The following ACER3 variants were observed in gnomAD, a reference collection of about 807,000 sequenced individuals.
The protein encoded by ACER3 is alkaline ceramidase 3.
Under a neutral mutation model 48.9 loss-of-function variants are expected in ACER3, and 16 were observed. That is an observed-to-expected ratio of 0.33 (90% CI 0.22 to 0.50). The LOEUF (loss-of-function observed/expected upper bound fraction) is 0.50, where lower values mean the gene tolerates loss of function less well. Among genes scored for constraint, ACER3 ranks in the 20% least tolerant of loss-of-function variants. The pLI, the probability that ACER3 is intolerant of heterozygous loss-of-function variation, is 0.98. For missense variants in ACER3, 227 were observed against 326.0 expected (o/e 0.70, Z 2.34); for synonymous variants, 109 against 107.8 (o/e 1.01, Z -0.07).
intron 1 of ACER3, chr11:76,868,046 A>G: frequency 1.1e-5 from 13 of 1,205,710 alleles, no homozygotes; most frequent in Non-Finnish European, 1.3e-5. Context: ...TATCTCTGCC[A>G]TACAGGTATG....
chr11:76,944,499 CT>C (rs34185686), intron 2 of ACER3, among the ~76,000 whole-genome samples: 2 of 151,830 alleles, frequency 1.3e-5, no homozygotes, highest in Non-Finnish European at 2.9e-5. Context: ...TTGGCTGATT[CT>C]TTTTTCTTTC....
chr11:76,973,959 A>G (rs1176457449), intron 3 of ACER3, among the ~76,000 whole-genome samples: 2 of 152,226 alleles, frequency 1.3e-5, no homozygotes, highest in East Asian at 3.8e-4. Context: ...TAATTGTCCC[A>G]AAACCATTTG....
chr11:77,014,763 C>T (rs1555022919), intron 7 of ACER3, among the ~76,000 whole-genome samples: 1 of 152,174 alleles, frequency 6.6e-6, no homozygotes, highest in East Asian at 1.9e-4. Flanking sequence ...GTGATGTCTT[C>T]TAGCCAGGCA....
rs544227481 is a variant in ACER3, at chr11:76,868,023, G to A, written c.103+6944G>A. 1.6e-4 allele frequency: 163 copies of A among 1,009,282 alleles called. 2 individuals carry two copies. In the South Asian group the frequency reaches 2.4e-3, roughly 15 times the overall value. The allele number at this position is 1,009,282 out of a possible 1,614,324, so 62.5% of individuals were successfully genotyped here. A position where few individuals can be genotyped will look rare whatever the true frequency, so the allele number is the denominator to read the frequency against. On this transcript the variant is annotated intron_variant, in intron 1 of 10. Coordinates refer to ENST00000532485, the MANE Select transcript of ACER3 (RefSeq NM_018367.7). ...TGCTGCTGCAGCACAAGACAAAAGG[G>A]GCTTTAATCAGCTATCTCTGCCATA...
chr11:76,913,316 CAG>C, intron 1 of ACER3, among the ~76,000 whole-genome samples: 1 of 152,228 alleles, frequency 6.6e-6, no homozygotes, highest in East Asian at 1.9e-4. Context: ...CATCTGCAAA[CAG>C]GGACAATTTG....
intron 7 of ACER3, among the ~76,000 whole-genome samples, chr11:77,008,989 C>T (rs1343197169): frequency 7.9e-5 from 12 of 152,108 alleles, no homozygotes; most frequent in Admixed American, 3.3e-4. Context: ...GATCCCAGGA[C>T]ACTGAGGCTG....
chr11:76,930,147 G>C (rs1334402146), intron 2 of ACER3, among the ~76,000 whole-genome samples: 1 of 152,196 alleles, frequency 6.6e-6, no homozygotes, highest in Non-Finnish European at 1.5e-5. Flanking sequence ...TTCAGAGCCT[G>C]TCATTGGTGT....
intron 1 of ACER3, among the ~76,000 whole-genome samples, chr11:76,876,206 A>G (rs1238651710): frequency 2.6e-5 from 4 of 152,076 alleles, no homozygotes; most frequent in Non-Finnish European, 5.9e-5. Flanking sequence ...AAGTTCCCTC[A>G]TGCCCCTTCT....
intron 1 of ACER3, among the ~76,000 whole-genome samples, chr11:76,879,040 G>A (rs950496343): frequency 2.6e-5 from 4 of 151,964 alleles, no homozygotes; most frequent in African/African-American, 4.8e-5. Flanking sequence ...AGTAATAGGG[G>A]CTCCTTTCAT....
At chr11:76,973,112 A>G (rs2135135796) in intron 3 of ACER3, among the ~76,000 whole-genome samples, 1 of 152,334 alleles carries the variant, frequency 6.6e-6, no homozygotes, top group South Asian at 2.1e-4. Flanking sequence ...GGAGCAGAGC[A>G]GCTGCCCAGG....
In ACER3 at chr11:76,936,431, T is replaced by C. The variant is rs573415992; in HGVS notation, c.214+9764T>C. On this transcript the variant is annotated intron_variant, in intron 2 of 10. Transcript: ENST00000532485. Reference sequence around the variant, plus strand: ...AGGCTAAAAGTAAAAATAAAAATCTTCCAACTACTAGGAGAAAACGTGTGT... The same window carrying C: ...AGGCTAAAAGTAAAAATAAAAATCTCCCAACTACTAGGAGAAAACGTGTGT... 2.0e-5 allele frequency among the ~76,000 whole-genome samples: 3 copies of C among 152,244 alleles called. No homozygotes were observed. In the East Asian group the frequency reaches 5.8e-4, roughly 29 times the overall value.
At chr11:76,907,989 A>G (rs1189756655) in intron 1 of ACER3, among the ~76,000 whole-genome samples, 1 of 152,152 alleles carries the variant, frequency 6.6e-6, no homozygotes, top group Non-Finnish European at 1.5e-5. Context: ...TAATCCCAGC[A>G]CCCTGGGAGG....
chr11:76,959,988 T>C (rs957568899), intron 3 of ACER3, among the ~76,000 whole-genome samples: 1 of 152,204 alleles, frequency 6.6e-6, no homozygotes, highest in Non-Finnish European at 1.5e-5. Flanking sequence ...TTTGATCTCT[T>C]GATTTCCCAT....
intron 7 of ACER3, among the ~76,000 whole-genome samples, chr11:77,013,825 G>A (rs929419905): frequency 1.3e-5 from 2 of 152,128 alleles, no homozygotes; most frequent in Admixed American, 6.5e-5. Flanking sequence ...CTGGAAACCC[G>A]CATTTGGACA....
At chr11:77,000,487 A>C (rs535701370) in intron 7 of ACER3, among the ~76,000 whole-genome samples, 2 of 152,288 alleles carry the variant, frequency 1.3e-5, no homozygotes, top group South Asian at 4.1e-4. Context: ...CTCTATACCT[A>C]CCTATAGATC....
At chr11:76,867,083 A>C (rs575452135) in intron 1 of ACER3, among the ~76,000 whole-genome samples, 74 of 152,314 alleles carry the variant, frequency 4.9e-4, no homozygotes, top group Non-Finnish European at 9.4e-4. Context: ...AGTCATTCAA[A>C]ATGTTTTATT....
intron 7 of ACER3, chr11:77,011,492 T>A (rs782265990): frequency 5.6e-5 from 31 of 555,372 alleles, no homozygotes; most frequent in Non-Finnish European, 7.1e-5. Context: ...GAGGCCTATG[T>A]TTCTTGGGAC....
intron 1 of ACER3, among the ~76,000 whole-genome samples, chr11:76,887,941 C>T (rs1010203888): frequency 6.6e-6 from 1 of 151,170 alleles, no homozygotes; most frequent in Non-Finnish European, 1.5e-5. Flanking sequence ...GCCTCAGCCT[C>T]CAAGTAGCTG....
chr11:76,980,513 C>CA (rs1948561105), intron 4 of ACER3, among the ~76,000 whole-genome samples: 1 of 151,784 alleles, frequency 6.6e-6, no homozygotes, highest in African/African-American at 2.4e-5. Flanking sequence ...CCTGTCACTA[C>CA]AAAAAAATTA....
Sources: gnomAD v4.1 joint callset for allele counts (sites outside exome capture counted in the v4.1 genomes callset) on GRCh38, gnomAD v4.1.1 for gene constraint, MANE v1.5 for transcripts, NCBI Gene and HGNC (gene_info 2026-07-23, HGNC 2026-07-21) for gene names.